The following VAT1L variants were observed in gnomAD, a reference collection of about 807,000 sequenced individuals.
VAT1L encodes the protein vesicle amine transport 1 like, also known as putative NADPH-dependent quinone oxidoreductase VAT1L.
In VAT1L, 34 loss-of-function variants were observed where a neutral mutation model predicts 44.1. That is an observed-to-expected ratio of 0.77 (90% CI 0.59 to 1.03). The LOEUF (loss-of-function observed/expected upper bound fraction) is 1.03. Among genes scored for constraint, VAT1L ranks in the 50% least tolerant of loss-of-function variants. The probability of loss-of-function intolerance (pLI) is 0.00; values close to 1 mark genes in which losing one functional copy is unlikely to be tolerated. For synonymous variants in VAT1L, 253 were observed against 202.2 expected (o/e 1.25, Z -2.13); for missense variants, 615 against 538.8 (o/e 1.14, Z -1.40).
At chr16:77,967,682 T>C (rs1275996224) in intron 7 of VAT1L, among the ~76,000 whole-genome samples, 1 of 152,174 alleles carries the variant, frequency 6.6e-6, no homozygotes, top group Non-Finnish European at 1.5e-5. Context: ...TCTCCTAGCA[T>C]CACAATAAGC....
At chr16:77,871,059 C>T (rs1046257248) in intron 4 of VAT1L, among the ~76,000 whole-genome samples, 6 of 152,160 alleles carry the variant, frequency 3.9e-5, no homozygotes, top group Non-Finnish European at 7.3e-5. Context: ...AGAGGTGGAG[C>T]ACTTTTCAAT....
intron 1 of VAT1L, among the ~76,000 whole-genome samples, chr16:77,816,456 G>A (rs541316531): frequency 1.6e-4 from 24 of 152,184 alleles, no homozygotes; most frequent in Non-Finnish European, 3.5e-4. Context: ...GAGACCTTAG[G>A]TCTTCTTTCT....
At chr16:77,842,932 T>C (rs1008944767) in intron 3 of VAT1L, among the ~76,000 whole-genome samples, 4 of 152,214 alleles carry the variant, frequency 2.6e-5, no homozygotes, top group Non-Finnish European at 5.9e-5. Flanking sequence ...GCTCAGTGCC[T>C]TGCATTCGTT....
intron 7 of VAT1L, among the ~76,000 whole-genome samples, chr16:77,907,793 C>T (rs1361317147): frequency 1.3e-5 from 2 of 152,148 alleles, no homozygotes; most frequent in East Asian, 3.8e-4. Context: ...GCTAGATTTA[C>T]CCCTGAGCTA....
intron 7 of VAT1L, among the ~76,000 whole-genome samples, chr16:77,914,477 G>C (rs980900773): frequency 6.6e-6 from 1 of 152,164 alleles, no homozygotes; most frequent in African/African-American, 2.4e-5. Flanking sequence ...TACAATCCGG[G>C]CTTGATTTAT....
intron 8 of VAT1L, among the ~76,000 whole-genome samples, chr16:77,976,552 G>T (rs1316401073): frequency 5.3e-5 from 8 of 152,140 alleles, no homozygotes. Context: ...AGCAGCCAAG[G>T]ACTCAAGTGT....
At chr16:77,824,771 T>A (rs531716533) in intron 2 of VAT1L, among the ~76,000 whole-genome samples, 5 of 139,246 alleles carry the variant, frequency 3.6e-5, no homozygotes, top group Admixed American at 7.2e-5. Flanking sequence ...AAAAAAAAAA[T>A]GATTGTGATA....
At chr16:77,843,692 C>A (rs958778976) in intron 3 of VAT1L, among the ~76,000 whole-genome samples, 1 of 152,222 alleles carries the variant, frequency 6.6e-6, no homozygotes, top group African/African-American at 2.4e-5. Context: ...CAGACCTGGA[C>A]CCCCCTTCAC....
chr16:77,940,243 A>G (rs1363015808), intron 7 of VAT1L, among the ~76,000 whole-genome samples: 1 of 152,126 alleles, frequency 6.6e-6, no homozygotes, highest in Non-Finnish European at 1.5e-5. Flanking sequence ...GCCAATTTCA[A>G]GCTACAAATG....
intron 3 of VAT1L, among the ~76,000 whole-genome samples, chr16:77,858,203 G>A (rs1018418096): frequency 6.6e-5 from 10 of 152,106 alleles, no homozygotes; most frequent in African/African-American, 2.4e-4. Context: ...ACAAGTCAAA[G>A]GGGCACAAAA....
At chr16:77,877,512 CAAAAAAAAA>C (rs55704400) in intron 5 of VAT1L, among the ~76,000 whole-genome samples, 12 of 86,800 alleles carry the variant, frequency 1.4e-4, no homozygotes, top group Non-Finnish European at 2.2e-4. Flanking sequence ...GACTCTGTCT[CAAAAAAAAA>C]AAAAAAAAAA....
At position 77,884,187 on chromosome 16, in the gene VAT1L, T is replaced by C. The variant is rs2017183995; in HGVS notation, c.883-421T>C. Among the ~76,000 whole-genome samples, 1 of 151,976 alleles carries C rather than the reference T, an allele frequency of 6.6e-6. No homozygotes were observed. The highest frequency in any genetic ancestry group is 1.5e-5 in the Non-Finnish European group (1 of 67,994). On this transcript the variant is annotated intron_variant, in intron 6 of 8. Transcript: ENST00000302536. This position sits in a 1 kb window ranked among gnomAD's most constrained non-coding sequence, Gnocchi z 4.5. Reference sequence around the variant, plus strand: ...GATGCTTTTAAAAAAAATACACCACTGTCCAAGGCGGGTGGATCACGAGGT... The same window carrying C: ...GATGCTTTTAAAAAAAATACACCACCGTCCAAGGCGGGTGGATCACGAGGT...
intron 7 of VAT1L, among the ~76,000 whole-genome samples, chr16:77,940,518 AT>A (rs1168921545): frequency 3.3e-5 from 5 of 151,128 alleles, no homozygotes; most frequent in African/African-American, 1.2e-4. Flanking sequence ...TAATTTTTGT[AT>A]TTTTTAGTAG....
chr16:77,974,974 G>A (rs978084677), intron 8 of VAT1L, among the ~76,000 whole-genome samples: 4 of 151,984 alleles, frequency 2.6e-5, no homozygotes, highest in African/African-American at 9.7e-5. Flanking sequence ...CTATCTAGAT[G>A]GAAAAGCAGA....
At chr16:77,962,248 T>C (rs551014278) in intron 7 of VAT1L, among the ~76,000 whole-genome samples, 2 of 152,068 alleles carry the variant, frequency 1.3e-5, no homozygotes, top group East Asian at 3.9e-4. Context: ...GTCCTGCCCA[T>C]GTAGTGGGAA....
intron 7 of VAT1L, among the ~76,000 whole-genome samples, chr16:77,898,759 G>T (rs777299813): frequency 1.3e-5 from 2 of 152,188 alleles, no homozygotes; most frequent in African/African-American, 2.4e-5. Context: ...CTACTGCTGT[G>T]CTGCAAACAG....
Position 77,788,858 on chromosome 16 carries a change from T to A in VAT1L, c.176T>A (p.Phe59Tyr), listed in dbSNP as rs1433663692. 1 of 1,577,110 alleles carries A rather than the reference T, an allele frequency of 6.3e-7. No individual in the cohort carries two copies. Among genetic ancestry groups the A allele is most frequent in the East Asian group, 2.3e-5 (1 of 43,280 alleles). The change falls in exon 1 of 9, where the codon TTC becomes TAC. Residue 59 changes from phenylalanine to tyrosine, a missense_variant. Transcript: ENST00000302536. Reference protein sequence around the residue: ...GFGGLNKLRLFRKAMPEPQDG... With the variant: ...GFGGLNKLRLYRKAMPEPQDG... ...GGGGGGCTCAACAAGCTGCGGCTCT[T>A]CAGGAAGGCCATGCCCGAGCCTCAG...
In VAT1L at chr16:77,826,389, TCCC is replaced by T. The variant is rs1156494422; in HGVS notation, c.579+929_579+931del. On this transcript the variant is annotated intron_variant, in intron 3 of 8. Coordinates refer to ENST00000302536, the MANE Select transcript of VAT1L (RefSeq NM_020927.3). Reference sequence around the variant, plus strand: ...TAAATTGCAGTGGACTTGAGATGGTTCCCATATTAATGACATTCTTATTAATTT... The same window carrying T: ...TAAATTGCAGTGGACTTGAGATGGTTATATTAATGACATTCTTATTAATTT... Among the ~76,000 whole-genome samples, 3 of 152,188 alleles carry T rather than the reference TCCC, an allele frequency of 2.0e-5. No individual in the cohort carries two copies. In the East Asian group the frequency reaches 5.8e-4, roughly 29 times the overall value.
intron 7 of VAT1L, among the ~76,000 whole-genome samples, chr16:77,962,433 C>T (rs967130662): frequency 6.6e-6 from 1 of 152,036 alleles, no homozygotes; most frequent in Non-Finnish European, 1.5e-5. Context: ...GGGATGCAAG[C>T]AGAGGAAGGC....
Sources: gnomAD v4.1 joint callset for allele counts (sites outside exome capture counted in the v4.1 genomes callset) on GRCh38, gnomAD v4.1.1 for gene constraint, Gnocchi (gnomAD v3.1) non-coding constraint, MANE v1.5 for transcripts, NCBI Gene and HGNC (gene_info 2026-07-23, HGNC 2026-07-21) for gene names.